KIAA1217: variants seen among roughly 807,000 people sequenced by gnomAD.
KIAA1217 encodes the protein KIAA1217.
A neutral mutation model predicts 163.9 loss-of-function variants in KIAA1217; 88 were observed. The observed-to-expected ratio is 0.54, with a 90% CI of 0.45 to 0.64. The LOEUF is 0.64. Ranked by LOEUF, KIAA1217 falls within the 30% of genes least tolerant of loss-of-function variation. KIAA1217 has a pLI of 0.00. For synonymous variants in KIAA1217, 903 were observed against 923.1 expected (o/e 0.98, Z 0.39); for missense variants, 2,372 against 2,475.0 (o/e 0.96, Z 0.88).
At chr10:23,862,196 A>G (rs764698072) in intron 1 of KIAA1217, among the ~76,000 whole-genome samples, 6 of 152,104 alleles carry the variant, frequency 3.9e-5, no homozygotes, top group Non-Finnish European at 7.4e-5. Context: ...TACCTAGTTT[A>G]TCTTTGTCTA....
intron 3 of KIAA1217, among the ~76,000 whole-genome samples, chr10:24,420,097 A>G (rs1302786357): frequency 6.6e-6 from 1 of 152,130 alleles, no homozygotes; most frequent in Non-Finnish European, 1.5e-5. Context: ...GTAGCTAGGT[A>G]TGGGAGGCAC....
At chr10:24,446,858 A>G (rs941610021) in intron 5 of KIAA1217, among the ~76,000 whole-genome samples, 7 of 152,214 alleles carry the variant, frequency 4.6e-5, no homozygotes, top group Non-Finnish European at 1.0e-4. Context: ...CTACCCAGCT[A>G]AAGAGAAGTG....
chr10:24,359,046 T>C (rs1205920789), intron 2 of KIAA1217, among the ~76,000 whole-genome samples: 8 of 105,792 alleles, frequency 7.6e-5, no homozygotes, highest in Non-Finnish European at 1.9e-4. Flanking sequence ...TAATACTTTC[T>C]TTCTTTCTTT....
intron 3 of KIAA1217, among the ~76,000 whole-genome samples, chr10:24,402,235 A>G (rs1342085773): frequency 6.6e-6 from 1 of 152,156 alleles, no homozygotes; most frequent in Admixed American, 6.5e-5. Context: ...GGTCAGGCGC[A>G]GTGACTCACG....
intron 1 of KIAA1217, among the ~76,000 whole-genome samples, chr10:23,947,230 A>C (rs1206143739): frequency 6.6e-6 from 1 of 152,194 alleles, no homozygotes; most frequent in Non-Finnish European, 1.5e-5. Context: ...TAAGGATTGA[A>C]TGTTTATAAC....
intron 2 of KIAA1217, among the ~76,000 whole-genome samples, chr10:24,376,801 C>T (rs2052563636): frequency 1.3e-5 from 2 of 152,096 alleles, no homozygotes; most frequent in Non-Finnish European, 2.9e-5. Flanking sequence ...CCAATCTTAC[C>T]ACTGGTGTCA....
At chr10:23,760,458 G>T (rs550752919) in intron 1 of KIAA1217, among the ~76,000 whole-genome samples, 32 of 152,336 alleles carry the variant, frequency 2.1e-4, no homozygotes, top group Non-Finnish European at 7.4e-5. Flanking sequence ...GAGATAGAAA[G>T]TTTCAGGAAT....
chr10:24,397,876 G>A (rs2056026866), intron 3 of KIAA1217, among the ~76,000 whole-genome samples: 1 of 152,168 alleles, frequency 6.6e-6, no homozygotes, highest in Non-Finnish European at 1.5e-5. Flanking sequence ...AGGGCACTGA[G>A]TGTACCCGGA....
At chr10:24,271,958 A>G (rs993796709) in intron 2 of KIAA1217, among the ~76,000 whole-genome samples, 2 of 152,106 alleles carry the variant, frequency 1.3e-5, no homozygotes, top group South Asian at 2.1e-4. Flanking sequence ...ACTTTTATGC[A>G]TCTCCATTTT....
chr10:23,912,877 G>A (rs1842494032), intron 1 of KIAA1217, among the ~76,000 whole-genome samples: 1 of 152,132 alleles, frequency 6.6e-6, no homozygotes, highest in Admixed American at 6.5e-5. Context: ...CTGCAGGAGG[G>A]GACCACAATG....
At chr10:24,224,879 T>G in intron 2 of KIAA1217, among the ~76,000 whole-genome samples, 1 of 146,428 alleles carries the variant, frequency 6.8e-6, no homozygotes, top group African/African-American at 2.6e-5. Context: ...CAGGCTGGAG[T>G]GCAGTGGCGC....
At chr10:24,419,876 T>C (rs1324016133) in intron 3 of KIAA1217, among the ~76,000 whole-genome samples, 1 of 152,158 alleles carries the variant, frequency 6.6e-6, no homozygotes, top group Admixed American at 6.5e-5. Context: ...CGTATCCTTT[T>C]ATAAGTTTCG....
intron 2 of KIAA1217, among the ~76,000 whole-genome samples, chr10:24,195,828 C>T (rs2066958586): frequency 6.6e-6 from 1 of 152,128 alleles, no homozygotes; most frequent in Non-Finnish European, 1.5e-5. Context: ...CTGATTATGT[C>T]ATTGAAAAAA....
intron 1 of KIAA1217, among the ~76,000 whole-genome samples, chr10:23,879,853 G>C (rs946336475): frequency 2.0e-5 from 3 of 151,906 alleles, no homozygotes; most frequent in Admixed American, 2.0e-4. Context: ...AGGAAGAATT[G>C]ATGGAACAAT....
intron 1 of KIAA1217, among the ~76,000 whole-genome samples, chr10:23,758,167 T>C (rs970283916): frequency 3.3e-5 from 5 of 152,212 alleles, no homozygotes; most frequent in Non-Finnish European, 4.4e-5. Flanking sequence ...CATGTTTTCT[T>C]CGAAGAGTTT....
intron 1 of KIAA1217, among the ~76,000 whole-genome samples, chr10:23,967,899 ATGTG>A (rs58562978): frequency 0.026 from 3,704 of 143,870 alleles, 131 homozygotes; most frequent in African/African-American, 0.076. Flanking sequence ...AATATATTAA[ATGTG>A]TGTGTGTGTG....
chr10:24,162,010 G>A (rs796548176), intron 2 of KIAA1217, among the ~76,000 whole-genome samples: 4 of 152,266 alleles, frequency 2.6e-5, no homozygotes, highest in African/African-American at 9.6e-5. Context: ...AAACAAAGGA[G>A]GTATATCTGA....
At chr10:24,305,273 A>G (rs2041881451) in intron 2 of KIAA1217, among the ~76,000 whole-genome samples, 1 of 152,196 alleles carries the variant, frequency 6.6e-6, no homozygotes, top group South Asian at 2.1e-4. Flanking sequence ...TAGAGTAAGG[A>G]AGATGACTTT....
At chr10:23,943,158 A>C (rs1042817210) in intron 1 of KIAA1217, among the ~76,000 whole-genome samples, 1 of 152,074 alleles carries the variant, frequency 6.6e-6, no homozygotes, top group South Asian at 2.1e-4. Context: ...CATATATTTT[A>C]TACATGTGGA....
Sources: allele counts gnomAD v4.1 joint callset (sites outside exome capture counted in the v4.1 genomes callset), GRCh38; gene constraint gnomAD v4.1.1; transcripts MANE v1.5; gene names NCBI Gene and HGNC (gene_info 2026-07-23, HGNC 2026-07-21).